MGST1: variants seen among roughly 807,000 people sequenced by gnomAD.
MGST1 encodes glutathione S-transferase 12.
MGST1 carries 5 observed loss-of-function variants against 8.9 expected under a neutral mutation model. The observed-to-expected ratio is 0.56, with a 90% confidence interval of 0.29 to 1.19. MGST1 has a LOEUF of 1.19. Ranked by LOEUF, MGST1 falls within the 50% of genes most tolerant of loss-of-function variation. The pLI, the probability that MGST1 is intolerant of heterozygous loss-of-function variation, is 0.08. For synonymous variants in MGST1, 54 were observed against 67.8 expected (o/e 0.80, Z 1.00); for missense variants, 182 against 187.4 (o/e 0.97, Z 0.17).
At position 16,587,403 on chromosome 12, in the gene MGST1, T is replaced by C. The variant is rs1943353628; in HGVS notation, n.483-2125T>C. The stretch of plus-strand genomic sequence containing the variant: ...AAACATTTCTGCAATAAAATCTTAT[T>C]GAACTGTTGCTTTCATTAATTTTCT... On this transcript the variant is annotated intron_variant and non_coding_transcript_variant, in intron 4 of 4. Transcript: ENST00000538857. This position sits in a 1 kb window ranked among gnomAD's most constrained non-coding sequence, Gnocchi z 4.3. Among the ~76,000 whole-genome samples the C allele has an allele frequency of 6.6e-6, 1 of 152,192 alleles. No individual in the cohort carries two copies. The highest frequency in any genetic ancestry group is 1.5e-5 in the Non-Finnish European group (1 of 68,022).
At chr12:16,384,414 C>A (rs1241183530) in intron 1 of MGST1, among the ~76,000 whole-genome samples, 1 of 152,068 alleles carries the variant, frequency 6.6e-6, no homozygotes, top group Non-Finnish European at 1.5e-5. Context: ...GATGCAGAGA[C>A]ACAGAGAGAA....
chr12:16,474,111 G>T (rs939981834), intron 4 of MGST1, among the ~76,000 whole-genome samples: 1 of 152,180 alleles, frequency 6.6e-6, no homozygotes, highest in Non-Finnish European at 1.5e-5. Context: ...TACTGACTGT[G>T]AATGTAGACA....
At chr12:16,480,813 G>A (rs189386227) in intron 4 of MGST1, among the ~76,000 whole-genome samples, 2 of 152,236 alleles carry the variant, frequency 1.3e-5, no homozygotes, top group Admixed American at 6.5e-5. Flanking sequence ...GCTCCCACCT[G>A]TAATCCCAGT....
intron 4 of MGST1, among the ~76,000 whole-genome samples, chr12:16,499,799 T>C (rs1941493776): frequency 6.6e-6 from 1 of 152,192 alleles, no homozygotes; most frequent in Admixed American, 6.5e-5. Flanking sequence ...CATCTTTTCT[T>C]GGCTGTGGAA....
chr12:16,420,495 T>C (rs2137083368), intron 1 of MGST1, among the ~76,000 whole-genome samples: 1 of 151,470 alleles, frequency 6.6e-6, no homozygotes, highest in East Asian at 1.9e-4. Flanking sequence ...TGAGTGGAGG[T>C]TTCCATGCAG....
intron 1 of MGST1, among the ~76,000 whole-genome samples, chr12:16,424,636 C>A (rs543675286): frequency 3.2e-4 from 49 of 152,266 alleles, no homozygotes; most frequent in African/African-American, 1.2e-3. Context: ...TATTCCAAAG[C>A]CTAATTTCTC....
intron 4 of MGST1, among the ~76,000 whole-genome samples, chr12:16,469,575 G>C (rs953367153): frequency 1.3e-5 from 2 of 152,188 alleles, no homozygotes; most frequent in African/African-American, 4.8e-5. Flanking sequence ...CTGAGAAGCA[G>C]TCAGGTCTGA....
At chr12:16,464,475 C>T (rs988056944) in intron 4 of MGST1, among the ~76,000 whole-genome samples, 1 of 152,152 alleles carries the variant, frequency 6.6e-6, no homozygotes, top group African/African-American at 2.4e-5. Context: ...ATCTAAGAGC[C>T]TGTAATACAT....
At position 16,543,559 on chromosome 12, in the gene MGST1, G is replaced by A. The variant is rs938191630; in HGVS notation, n.483-45969G>A. The stretch of plus-strand genomic sequence containing the variant: ...GAATTTGAGATTAATAAAAATAATA[G>A]TGGTACTAATAACTTGAACACTATG... On this transcript the variant is annotated intron_variant and non_coding_transcript_variant, in intron 4 of 4. Coordinates refer to the MGST1 transcript ENST00000538857. 3.6e-4 allele frequency among the ~76,000 whole-genome samples: 54 copies of A among 151,990 alleles called. No homozygotes were observed. The East Asian group carries it at 0.01, about 28-fold the overall frequency.
rs1281321098 is a variant in MGST1, at chr12:16,547,899, A to C, written n.483-41629A>C. Among the ~76,000 whole-genome samples the C allele has an allele frequency of 2.0e-5, 3 of 152,170 alleles. No homozygotes were observed. The highest frequency in any genetic ancestry group is 4.4e-5 in the Non-Finnish European group (3 of 68,022). The stretch of plus-strand genomic sequence containing the variant: ...GATGATTCAGAGAGTGGTTTGCCTA[A>C]AGTGATAGTTAAAAGGAAAACACTT... On this transcript the variant is annotated intron_variant and non_coding_transcript_variant, in intron 4 of 4. Coordinates refer to the MGST1 transcript ENST00000538857. The surrounding 1 kb of genome is among the most constrained non-coding windows in gnomAD (Gnocchi z 4.6).
At chr12:16,451,356 T>C (rs1591732527) in intron 4 of MGST1, among the ~76,000 whole-genome samples, 1 of 152,006 alleles carries the variant, frequency 6.6e-6, no homozygotes, top group Non-Finnish European at 1.5e-5. Context: ...TTATTTTTAC[T>C]ATCCTTTAAA....
In MGST1 at chr12:16,560,459, T is replaced by C; in HGVS notation, n.483-29069T>C. ...GCAAAGCAGTCCAGGTGGTAAACATTGTCCTTGGCACGCATCACCATCTCA... is the reference window on the plus strand; with the variant it reads ...GCAAAGCAGTCCAGGTGGTAAACATCGTCCTTGGCACGCATCACCATCTCA... On this transcript the variant is annotated intron_variant and non_coding_transcript_variant, in intron 4 of 4. Coordinates refer to the MGST1 transcript ENST00000538857. The surrounding 1 kb of genome is among the most constrained non-coding windows in gnomAD (Gnocchi z 5.0). 1 of 1,613,970 alleles carries C rather than the reference T, an allele frequency of 6.2e-7. No individual in the cohort carries two copies. The highest frequency in any genetic ancestry group is 8.5e-7 in the Non-Finnish European group (1 of 1,179,886).
chr12:16,365,454 T>A (rs1940168534), downstream of MGST1, among the ~76,000 whole-genome samples: 1 of 152,240 alleles, frequency 6.6e-6, no homozygotes, highest in Admixed American at 6.5e-5. Flanking sequence ...GAATTGTTCA[T>A]TTAGATGTGC....
In MGST1 at chr12:16,525,390, G is replaced by C. The variant is rs577926469; in HGVS notation, n.483-64138G>C. Reference sequence around the variant, plus strand: ...TTCCCACCTATGAGTGAGAATATGCGGTGTTTGGTTTTTTGTTCTTGCGAT... The same window carrying C: ...TTCCCACCTATGAGTGAGAATATGCCGTGTTTGGTTTTTTGTTCTTGCGAT... On this transcript the variant is annotated intron_variant and non_coding_transcript_variant, in intron 4 of 4. Transcript: ENST00000538857. 1.5e-4 allele frequency among the ~76,000 whole-genome samples: 22 copies of C among 150,152 alleles called. No individual in the cohort carries two copies. In the South Asian group the frequency reaches 4.6e-3, roughly 32 times the overall value.
chr12:16,367,048 T>A (rs115592100), downstream of MGST1, among the ~76,000 whole-genome samples: 21 of 152,304 alleles, frequency 1.4e-4, no homozygotes, highest in African/African-American at 5.1e-4. Context: ...TGATGTAGAA[T>A]CTTCTTAATA....
chr12:16,407,027 A>G (rs989614012), intron 1 of MGST1, among the ~76,000 whole-genome samples: 1 of 152,236 alleles, frequency 6.6e-6, no homozygotes, highest in Non-Finnish European at 1.5e-5. Flanking sequence ...AAAATGCCAA[A>G]AGCAATTGCA....
At chr12:16,383,928 A>AT (rs970209159) in intron 1 of MGST1, among the ~76,000 whole-genome samples, 41 of 152,134 alleles carry the variant, frequency 2.7e-4, no homozygotes, top group African/African-American at 8.4e-4. Flanking sequence ...TTTTTGTTGC[A>AT]TTTTTTTTCA....
intron 4 of MGST1, among the ~76,000 whole-genome samples, chr12:16,465,937 T>G (rs1941251552): frequency 6.6e-6 from 1 of 152,202 alleles, no homozygotes. Context: ...TCGACCATTG[T>G]CCCTTTGGCC....
In MGST1 at chr12:16,548,095, CACCTAAAATTTG is replaced by C. The variant is rs1338848599; in HGVS notation, n.483-41432_483-41421del. On this transcript the variant is annotated intron_variant and non_coding_transcript_variant, in intron 4 of 4. Transcript: ENST00000538857. The surrounding 1 kb of genome is among the most constrained non-coding windows in gnomAD (Gnocchi z 4.2). ...GCAACAGAGTTGCTTTCAGAAAGAT[CACCTAAAATTTG>C]TATAAATGTGCAAAATTACACCCAG... 6.6e-6 allele frequency among the ~76,000 whole-genome samples: 1 copy of C among 152,114 alleles called. No homozygotes were observed. Among genetic ancestry groups the C allele is most frequent in the Non-Finnish European group, 1.5e-5 (1 of 68,020 alleles).
Sources: allele counts gnomAD v4.1 joint callset (sites outside exome capture counted in the v4.1 genomes callset), GRCh38; gene constraint gnomAD v4.1.1; non-coding constraint Gnocchi (gnomAD v3.1); transcripts MANE v1.5; gene names NCBI Gene and HGNC (gene_info 2026-07-23, HGNC 2026-07-21).